The following MROH7 variants were observed in gnomAD, a reference collection of about 807,000 sequenced individuals.
The protein encoded by MROH7 is maestro heat-like repeat-containing protein family member 7.
MROH7 carries 113 observed loss-of-function variants against 129.2 expected under a neutral mutation model. The observed-to-expected ratio is 0.87, with a 90% CI of 0.75 to 1.02. MROH7 has a LOEUF of 1.02. MROH7 is among the 50% of genes least tolerant of loss of function. The pLI, the probability that MROH7 is intolerant of heterozygous loss-of-function variation, is 0.00. For synonymous variants in MROH7, 655 were observed against 667.9 expected (o/e 0.98, Z 0.30); for missense variants, 1,601 against 1,671.3 (o/e 0.96, Z 0.73).
chr1:54,665,578 G>C (rs972304477), intron 4 of MROH7: 1 of 189,270 alleles, frequency 5.3e-6, no homozygotes, highest in Admixed American at 5.5e-5. Context: ...CTCTGAAAGG[G>C]GCAGAAAGTC....
intron 1 of MROH7, among the ~76,000 whole-genome samples, chr1:54,650,896 G>T (rs11576062): frequency 6.6e-6 from 1 of 151,982 alleles, no homozygotes; most frequent in Admixed American, 6.6e-5. Context: ...GCTAATTTTT[G>T]TATTTTTTTG....
At chr1:54,689,797 G>A (rs1257504321) in intron 15 of MROH7, among the ~76,000 whole-genome samples, 1 of 152,160 alleles carries the variant, frequency 6.6e-6, no homozygotes, top group African/African-American at 2.4e-5. Flanking sequence ...ATCGCTTGAG[G>A]CCAGGGGTTT....
At chr1:54,705,149 A>G (rs1383458311) in intron 21 of MROH7, among the ~76,000 whole-genome samples, 1 of 152,160 alleles carries the variant, frequency 6.6e-6, no homozygotes, top group African/African-American at 2.4e-5. Flanking sequence ...CAGGCTACTG[A>G]GGCCCGTGGC....
rs2101044176 is a variant in MROH7, at chr1:54,641,928, G to C, written c.-150G>C. Reference sequence around the variant, plus strand: ...GTTAGAACTTCATATCTTTGGCTTAGAGCTGGATTTTCTGTTACCATGTGG... The same window carrying C: ...GTTAGAACTTCATATCTTTGGCTTACAGCTGGATTTTCTGTTACCATGTGG... On this transcript the variant is annotated 5_prime_UTR_variant, in exon 1 of 24. Transcript: ENST00000421030. 1 of 152,374 alleles carries C rather than the reference G, an allele frequency of 6.6e-6. No homozygotes were observed. The highest frequency in any genetic ancestry group is 2.1e-4 in the South Asian group (1 of 4,828). The allele number at this position is 152,374 out of a possible 1,614,324, so 9.4% of individuals were successfully genotyped here.
At chr1:54,694,082 A>G (rs182131770) in intron 16 of MROH7, among the ~76,000 whole-genome samples, 2 of 152,256 alleles carry the variant, frequency 1.3e-5, no homozygotes, top group Admixed American at 6.5e-5. Context: ...GAGTTTCACT[A>G]TGTTGGCCAG....
In MROH7 at chr1:54,709,999, C is replaced by T. The variant is rs1355961356; in HGVS notation, c.3784C>T (p.Gln1262Ter). 15 of 1,613,978 alleles carry T rather than the reference C, an allele frequency of 9.3e-6. No homozygotes were observed. Among genetic ancestry groups the T allele is most frequent in the Non-Finnish European group, 1.3e-5 (15 of 1,180,012 alleles). The change falls in exon 24 of 24, where the codon CAG becomes TAG. Residue 1262 changes from glutamine to a stop codon, truncating the protein, a stop_gained. Coordinates refer to ENST00000421030, the MANE Select transcript of MROH7 (RefSeq NM_001039464.4). LOFTEE classifies it high-confidence loss of function. The part of the protein sequence containing the change: ...PEASVCIYAA[Q>*]VQDHILASCW... ...AGCATCAGTGTGCATCTACGCAGCCCAGGTCCAGGACCACATCCTGGCCAG... is the reference window on the plus strand; with the variant it reads ...AGCATCAGTGTGCATCTACGCAGCCTAGGTCCAGGACCACATCCTGGCCAG...
At position 54,673,589 on chromosome 1, in the gene MROH7, C is replaced by A. The variant is rs563078966; in HGVS notation, c.1696-112C>A. 12 of 776,792 alleles carry A rather than the reference C, an allele frequency of 1.5e-5. No homozygotes were observed. The Admixed American group carries it at 1.8e-4, about 12-fold the overall frequency. The allele number at this position is 776,792 out of a possible 1,614,324, so 48.1% of individuals were successfully genotyped here. Reference sequence around the variant, plus strand: ...AGAAGAGGAGGAGGGCTGTGGTGACCTTTATACCCTCTCTGGAAGCTTCCT... The same window carrying A: ...AGAAGAGGAGGAGGGCTGTGGTGACATTTATACCCTCTCTGGAAGCTTCCT... On this transcript the variant is annotated intron_variant, in intron 8 of 23. Coordinates refer to ENST00000421030, the MANE Select transcript of MROH7 (RefSeq NM_001039464.4).
intron 4 of MROH7, among the ~76,000 whole-genome samples, chr1:54,666,847 T>C (rs569441907): frequency 1.2e-3 from 179 of 152,276 alleles, no homozygotes; most frequent in African/African-American, 4.2e-3. Flanking sequence ...TCAGATGTGG[T>C]TACATTCTTG....
intron 17 of MROH7, 107 bp downstream of exon 17, chr1:54,695,597 T>A (rs1645308906): frequency 2.6e-6 from 2 of 766,086 alleles, no homozygotes; most frequent in African/African-American, 3.4e-5. Context: ...TACAAAGCCT[T>A]CCCATGGGCA....
chr1:54,683,696 C>G (rs744747), intron 14 of MROH7, among the ~76,000 whole-genome samples: 30,961 of 152,078 alleles, frequency 0.2, 3,943 homozygotes, highest in Non-Finnish European at 0.27. Context: ...TTGCTTTGCT[C>G]CAGCCTCACG....
Position 54,702,314 on chromosome 1 carries a change from T to TA in MROH7, c.3441+71dup. On this transcript the variant is annotated intron_variant, in intron 20 of 23. Coordinates refer to ENST00000421030, the MANE Select transcript of MROH7 (RefSeq NM_001039464.4). ...CCTGTGGGCGCACCTCTTTTTACGT[T>TA]AACCAAGCCAGAGTCTCAAACAATC... is the stretch of plus-strand genomic sequence containing the variant. 6.9e-6 allele frequency: 9 copies of TA among 1,302,484 alleles called. No individual in the cohort carries two copies. The South Asian group carries it at 1.8e-4, about 26-fold the overall frequency. 80.7% of individuals were successfully genotyped at this position (1,302,484 alleles called of 1,614,324 possible). A position where few individuals can be genotyped will look rare whatever the true frequency, so the allele number is the denominator to read the frequency against.
intron 5 of MROH7, among the ~76,000 whole-genome samples, chr1:54,669,875 G>A (rs753951138): frequency 6.6e-6 from 1 of 151,962 alleles, no homozygotes; most frequent in Admixed American, 6.6e-5. Context: ...ATGGTGGCAC[G>A]TGTCTGTGGT....
intron 3 of MROH7, among the ~76,000 whole-genome samples, chr1:54,656,971 G>C (rs1644658870): frequency 6.6e-6 from 1 of 151,574 alleles, no homozygotes; most frequent in African/African-American, 2.4e-5. Flanking sequence ...AGGATCACTT[G>C]AAGTCAGGAG....
chr1:54,662,243 G>C (rs1644742946), intron 3 of MROH7, among the ~76,000 whole-genome samples: 1 of 150,398 alleles, frequency 6.6e-6, no homozygotes, highest in Non-Finnish European at 1.5e-5. Flanking sequence ...ACAAAACTTA[G>C]AGAAAAGTTG....
intron 16 of MROH7, 100 bp from the exon 17 acceptor site, chr1:54,695,275 TC>T (rs764198899): frequency 1.3e-4 from 83 of 662,362 alleles, no homozygotes; most frequent in Non-Finnish European, 1.6e-4. Context: ...ATCCAGGTGA[TC>T]CTGGCTTACC....
intron 1 of MROH7, chr1:54,651,439 A>G (rs1359100230): frequency 6.6e-6 from 1 of 152,422 alleles, no homozygotes; most frequent in East Asian, 1.9e-4. Flanking sequence ...AGCAGTCATT[A>G]GCTGGGGAAG....
intron 22 of MROH7, among the ~76,000 whole-genome samples, chr1:54,707,831 G>GA (rs1195563796): frequency 6.6e-6 from 1 of 151,828 alleles, no homozygotes; most frequent in African/African-American, 2.4e-5. Flanking sequence ...ATACTTTCCT[G>GA]AAAAAAATGC....
At position 54,691,886 on chromosome 1, in the gene MROH7, C is replaced by T. The variant is rs1202066961; in HGVS notation, c.2712-538C>T. On this transcript the variant is annotated intron_variant, in intron 15 of 23. Transcript: ENST00000421030. The stretch of plus-strand genomic sequence containing the variant: ...CTCTCTCTCTCTCTCTCCTCCCCCC[C>T]ACCCCCCATGTATGAACACACAGTG... Among the ~76,000 whole-genome samples, 11 of 145,590 alleles carry T rather than the reference C, an allele frequency of 7.6e-5. 1 individual carries two copies. Among genetic ancestry groups the T allele is most frequent in the South Asian group, 4.6e-4 (2 of 4,370 alleles).
Position 54,701,258 on chromosome 1 carries a change from A to G in MROH7, c.3221A>G (p.Gln1074Arg). Residue 1074 changes from glutamine (Q) to arginine (R), a missense_variant, in exon 19 of 24, where the codon CAG becomes CGG. Transcript: ENST00000421030. ...NLKAVFKGRD[Q>R]KLMDSAVYVE... ...AAGGCTGTCTTCAAGGGGCGGGACC[A>G]GAAGCTGATGGACAGTGCGGTCTAT... is the stretch of plus-strand genomic sequence containing the variant. 6.2e-7 allele frequency: 1 copy of G among 1,613,984 alleles called. No individual in the cohort carries two copies. Among genetic ancestry groups the G allele is most frequent in the Non-Finnish European group, 8.5e-7 (1 of 1,179,888 alleles).
Sources: allele counts gnomAD v4.1 joint callset (sites outside exome capture counted in the v4.1 genomes callset), GRCh38; gene constraint gnomAD v4.1.1; transcripts MANE v1.5; gene names NCBI Gene and HGNC (gene_info 2026-07-23, HGNC 2026-07-21).